VPS53: variants seen among roughly 807,000 people sequenced by gnomAD.
VPS53 encodes vacuolar protein sorting-associated protein 53 homolog.
A neutral mutation model predicts 107.0 loss-of-function variants in VPS53; 70 were observed. The ratio of observed to expected loss-of-function variants is 0.65; its 90% CI spans 0.54 to 0.80. VPS53 has a LOEUF of 0.80. VPS53 is among the 30% of genes least tolerant of loss of function. The pLI, the probability that VPS53 is intolerant of heterozygous loss-of-function variation, is 0.00. For synonymous variants in VPS53, 409 were observed against 393.3 expected, an observed-to-expected ratio of 1.04 and a Z score of -0.47; for missense variants, 917 against 1,049.4, an observed-to-expected ratio of 0.87 and a Z score of 1.74.
chr17:713,626 T>A (rs1337989632), intron 1 of VPS53, among the ~76,000 whole-genome samples: 2 of 148,450 alleles, frequency 1.3e-5, no homozygotes, highest in African/African-American at 5.0e-5. Flanking sequence ...CACTCCAACC[T>A]GGGCGAAAGA....
Position 594,024 on chromosome 17 carries a change from T to C in VPS53, c.1219-7660A>G, listed in dbSNP as rs571463118. 7.9e-5 allele frequency among the ~76,000 whole-genome samples: 12 copies of C among 152,178 alleles called. No homozygotes were observed. In the South Asian group the frequency reaches 1.7e-3, roughly 21 times the overall value. ...GTCCTTTGTAGGGACATGGATGAAATTGGAAATCATCATTCTCAGTAAACT... is the reference window on the plus strand; with the variant it reads ...GTCCTTTGTAGGGACATGGATGAAACTGGAAATCATCATTCTCAGTAAACT... On this transcript the variant is annotated intron_variant, in intron 12 of 21. Transcript: ENST00000437048.
At chr17:552,852 C>T in intron 16 of VPS53, 1 of 408,560 alleles carries the variant, frequency 2.4e-6, no homozygotes, top group South Asian at 5.7e-5. Flanking sequence ...GTGACTAAAG[C>T]CAACAGCCTG....
chr17:519,020 T>C lies in VPS53; in HGVS notation c.*108A>G. 1 of 1,261,582 alleles carries C rather than the reference T, an allele frequency of 7.9e-7. No individual in the cohort carries two copies. Among genetic ancestry groups the C allele is most frequent in the Non-Finnish European group, 1.1e-6 (1 of 939,558 alleles). The allele number at this position is 1,261,582 out of a possible 1,614,324, so 78.1% of individuals were successfully genotyped here. ...TAACAACCCACATGTCCCAGGAAGT[T>C]TGAAGACCGACGATGTGAGAGTGCC... On this transcript the variant is annotated 3_prime_UTR_variant, in exon 22 of 22. Transcript: ENST00000437048. The surrounding 1 kb of genome is among the most constrained non-coding windows in gnomAD (Gnocchi z 5.0).
At chr17:636,829 C>G (rs973304322) in intron 7 of VPS53, among the ~76,000 whole-genome samples, 27 of 152,180 alleles carry the variant, frequency 1.8e-4, no homozygotes, top group Non-Finnish European at 3.7e-4. Flanking sequence ...CAGTATTTTA[C>G]TGAGGATTTT....
chr17:536,320 T>C (rs941818557), intron 18 of VPS53: 2 of 151,736 alleles, frequency 1.3e-5, no homozygotes, highest in African/African-American at 4.9e-5. Context: ...TGGTAAAAAA[T>C]ACCAGGGGGA....
intron 4 of VPS53, among the ~76,000 whole-genome samples, chr17:670,815 A>C (rs915714956): frequency 2.6e-5 from 4 of 152,214 alleles, no homozygotes; most frequent in Admixed American, 6.5e-5. Flanking sequence ...ATTCTGTGAA[A>C]AAATAAGGTG....
chr17:661,899 G>A lies in VPS53; in HGVS notation c.286-4C>T. ...CTTTCTGAGCCTCTTCAAGCGCCTA[G>A]AGTAAGGGAAATACATGAAAAACAA... is the stretch of plus-strand genomic sequence containing the variant. On this transcript the variant is annotated splice_polypyrimidine_tract_variant and splice_region_variant and intron_variant, in intron 4 of 21. Transcript: ENST00000437048. 1 of 1,551,318 alleles carries A rather than the reference G, an allele frequency of 6.4e-7. No homozygotes were observed. Among genetic ancestry groups the A allele is most frequent in the Non-Finnish European group, 8.7e-7 (1 of 1,146,794 alleles).
intron 4 of VPS53, among the ~76,000 whole-genome samples, chr17:662,817 G>GAA (rs1288654526): frequency 1.8e-4 from 26 of 147,226 alleles, no homozygotes; most frequent in Middle Eastern, 3.5e-3. Flanking sequence ...AAAAAAGAAA[G>GAA]AAAGAGAAAG....
chr17:688,582 T>A (rs1017303893), intron 4 of VPS53, among the ~76,000 whole-genome samples: 1 of 152,032 alleles, frequency 6.6e-6, no homozygotes, highest in African/African-American at 2.4e-5. Flanking sequence ...ATTTTATGAG[T>A]CCCCGCCTCA....
At chr17:528,595 CT>C (rs138081726) in intron 19 of VPS53, among the ~76,000 whole-genome samples, 101 of 101,258 alleles carry the variant, frequency 1.0e-3, no homozygotes, top group Middle Eastern at 4.7e-3. Context: ...TTTTTCAATT[CT>C]TTTTTTTTTT....
At chr17:643,339 T>G (rs74688830) in intron 7 of VPS53, among the ~76,000 whole-genome samples, 2 of 117,008 alleles carry the variant, frequency 1.7e-5, no homozygotes, top group Non-Finnish European at 3.7e-5. Context: ...ACTTGGCAAC[T>G]GAGGACAACA....
chr17:629,808 ACCACACACACACAC>A (rs1969871928), intron 8 of VPS53, among the ~76,000 whole-genome samples: 1 of 66,270 alleles, frequency 1.5e-5, no homozygotes, highest in South Asian at 7.2e-4. Flanking sequence ...CAAAAAAAAA[ACCACACACACACAC>A]ACACACACAC....
In VPS53 at chr17:537,090, G is replaced by A. The variant is rs756461946; in HGVS notation, c.1953C>T (p.Ile651=). The A allele has an allele frequency of 5.8e-5, 93 of 1,614,082 alleles. No individual in the cohort carries two copies. The highest frequency in any genetic ancestry group is 7.5e-5 in the Non-Finnish European group (88 of 1,180,056). ...GTGTGGAAGCCAGGTTGTCACGGAT[G>A]ATGGGGACGTTCTGCTTGATGTGCA... ...VILHIKQNVP[I]IRDNLASTRK... is the part of the protein sequence containing the mutation. Residue 651 remains isoleucine (I), a synonymous_variant, in exon 18 of 22, where the codon ATC becomes ATT. Transcript: ENST00000437048.
At chr17:599,661 C>G (rs2143007459) in intron 12 of VPS53, among the ~76,000 whole-genome samples, 1 of 149,976 alleles carries the variant, frequency 6.7e-6, no homozygotes, top group South Asian at 2.1e-4. Flanking sequence ...GACCTTTGTT[C>G]ACTTGTTTAT....
rs932231209 is a variant in VPS53 at position 686,301 on chromosome 17, C to CA, written c.285+11116dup. The stretch of plus-strand genomic sequence containing the variant: ...TGCCATTACATTCCAGCCTGAATGA[C>CA]AGAGTGAGACCCTGTCTCTAAGAAG... On this transcript the variant is annotated intron_variant, in intron 4 of 21. Coordinates refer to ENST00000437048, the MANE Select transcript of VPS53 (RefSeq NM_001128159.3). Among the ~76,000 whole-genome samples, 3 of 151,442 alleles carry CA rather than the reference C, an allele frequency of 2.0e-5. No homozygotes were observed. In the East Asian group the frequency reaches 5.8e-4, roughly 29 times the overall value.
At chr17:644,675 C>T (rs1012862368) in intron 7 of VPS53, among the ~76,000 whole-genome samples, 4 of 152,116 alleles carry the variant, frequency 2.6e-5, no homozygotes, top group East Asian at 1.9e-4. Flanking sequence ...CCTCCACTTC[C>T]GGAGCTCAAG....
intron 20 of VPS53, among the ~76,000 whole-genome samples, chr17:521,370 G>A (rs1908734172): frequency 6.6e-6 from 1 of 152,138 alleles, no homozygotes; most frequent in Non-Finnish European, 1.5e-5. Flanking sequence ...TTGATCACAA[G>A]AGAATCCCAC....
chr17:708,978 T>C (rs891009027), intron 2 of VPS53, among the ~76,000 whole-genome samples: 1 of 152,194 alleles, frequency 6.6e-6, no homozygotes, highest in African/African-American at 2.4e-5. Context: ...ACGCCTTCCT[T>C]CCCTCATCAT....
At chr17:711,158 C>T (rs1248134133) in intron 1 of VPS53, among the ~76,000 whole-genome samples, 1 of 152,002 alleles carries the variant, frequency 6.6e-6, no homozygotes, top group Non-Finnish European at 1.5e-5. Flanking sequence ...TGCAGTGAGC[C>T]GAGATTCTAT....
Sources: gnomAD v4.1 joint callset for allele counts (sites outside exome capture counted in the v4.1 genomes callset) on GRCh38, gnomAD v4.1.1 for gene constraint, Gnocchi (gnomAD v3.1) non-coding constraint, MANE v1.5 for transcripts, NCBI Gene and HGNC (gene_info 2026-07-23, HGNC 2026-07-21) for gene names.